TRMT1L: variants seen among roughly 807,000 people sequenced by gnomAD.
TRMT1L encodes the protein tRNA methyltransferase 1L, also known as tRNA (guanine(27)-N(2))-dimethyltransferase.
A neutral mutation model predicts 81.6 loss-of-function variants in TRMT1L; 28 were observed. The ratio of observed to expected loss-of-function variants is 0.34; its 90% confidence interval spans 0.25 to 0.47. The LOEUF (loss-of-function observed/expected upper bound fraction) is 0.47. TRMT1L is among the 20% of genes least tolerant of loss of function. TRMT1L has a pLI of 1.00. For missense variants in TRMT1L, 739 were observed against 877.1 expected, an observed-to-expected ratio of 0.84 and a Z score of 1.99; for synonymous variants, 301 against 303.2, an observed-to-expected ratio of 0.99 and a Z score of 0.07.
At position 185,156,596 on chromosome 1, in the gene TRMT1L, C is replaced by G; in HGVS notation, c.117G>C (p.Pro39=). 1.9e-6 allele frequency: 3 copies of G among 1,597,030 alleles called. No individual in the cohort carries two copies. Among genetic ancestry groups the G allele is most frequent in the Non-Finnish European group, 2.6e-6 (3 of 1,172,068 alleles). ...TCGGAGCCGAGTCCAGAGCCGAATCCGGGGCCGGAGCTGGGACCCCAGCCG... is the reference window on the plus strand; with the variant it reads ...TCGGAGCCGAGTCCAGAGCCGAATCGGGGGCCGGAGCTGGGACCCCAGCCG... ...RDSAGVPAPA[P]DSALDSAPTP... is the part of the protein sequence containing the mutation. Residue 39 remains proline (P), a synonymous_variant, in exon 1 of 15, where the codon CCG becomes CCC. Transcript: ENST00000367506.
chr1:185,153,435 G>A (rs1653415418), intron 1 of TRMT1L, among the ~76,000 whole-genome samples: 1 of 152,128 alleles, frequency 6.6e-6, no homozygotes, highest in African/African-American at 2.4e-5. Context: ...TCAAGGTAAT[G>A]CAGAAGCCAA....
intron 12 of TRMT1L, 83 bp from the exon 13 acceptor site, chr1:185,124,002 A>G: frequency 1.3e-6 from 1 of 757,760 alleles, no homozygotes; most frequent in Non-Finnish European, 2.0e-6. Context: ...AAGTTTATGA[A>G]ATTCCATCCA....
At chr1:185,152,482 G>A (rs1653387636) in intron 1 of TRMT1L, among the ~76,000 whole-genome samples, 1 of 152,170 alleles carries the variant, frequency 6.6e-6, no homozygotes, top group Non-Finnish European at 1.5e-5. Context: ...ACAGACCAAG[G>A]AAAACATAAA....
At chr1:185,134,425 G>C (rs947767453) in intron 10 of TRMT1L, among the ~76,000 whole-genome samples, 37 of 152,308 alleles carry the variant, frequency 2.4e-4, no homozygotes, top group African/African-American at 8.9e-4. Context: ...GACCTCAGGT[G>C]GTCCGTCCGC....
chr1:185,155,945 T>C (rs188036303), intron 1 of TRMT1L, among the ~76,000 whole-genome samples: 4 of 152,310 alleles, frequency 2.6e-5, no homozygotes, highest in African/African-American at 7.2e-5. Flanking sequence ...CTCAAAATCT[T>C]TTCGGAGGCA....
intron 10 of TRMT1L, among the ~76,000 whole-genome samples, chr1:185,130,599 T>C (rs1396784269): frequency 2.0e-5 from 3 of 152,200 alleles, no homozygotes; most frequent in African/African-American, 7.2e-5. Flanking sequence ...AAGATGACTA[T>C]AGAGAGGTAT....
intron 7 of TRMT1L, among the ~76,000 whole-genome samples, chr1:185,140,563 A>T (rs1653011373): frequency 6.6e-6 from 1 of 152,084 alleles, no homozygotes; most frequent in Non-Finnish European, 1.5e-5. Flanking sequence ...CTCTGCTTGA[A>T]GGGAGGATGG....
At chr1:185,120,650 T>C (rs1159331581) in intron 13 of TRMT1L, 141 bp from the exon 14 acceptor site, 35 of 751,810 alleles carry the variant, frequency 4.7e-5, no homozygotes, top group Non-Finnish European at 5.8e-5. Context: ...TAATTTATTC[T>C]ATTTTCACGG....
chr1:185,148,522 T>C (rs188125190), intron 3 of TRMT1L, among the ~76,000 whole-genome samples: 149 of 152,300 alleles, frequency 9.8e-4, no homozygotes, highest in Non-Finnish European at 1.7e-3. Context: ...AACTATCATA[T>C]CTTCACCATC....
At chr1:185,123,406 A>G (rs1036020925) in intron 13 of TRMT1L, among the ~76,000 whole-genome samples, 1 of 152,192 alleles carries the variant, frequency 6.6e-6, no homozygotes, top group East Asian at 1.9e-4. Flanking sequence ...AGCTAGATTT[A>G]AAGTATGCAC....
chr1:185,156,255 C>T (rs1179272400), intron 1 of TRMT1L, among the ~76,000 whole-genome samples: 1 of 152,238 alleles, frequency 6.6e-6, no homozygotes, highest in Non-Finnish European at 1.5e-5. Flanking sequence ...CATTCCTGCT[C>T]TCCGCATATC....
chr1:185,128,692 T>C lies in TRMT1L; in HGVS notation c.1569A>G (p.Thr523=). Residue 523 remains threonine (T), a synonymous_variant, in exon 11 of 15, where the codon ACA becomes ACG. Transcript: ENST00000367506. ...CNCHGSMPGK[T]AIELGPLWSS... ...ACCACAGAGGTCCAAGTTCTATTGC[T>C]GTCTTTCCAGGCATGCTTCCATGAC... The C allele has an allele frequency of 6.2e-7, 1 of 1,612,644 alleles. No homozygotes were observed. The highest frequency in any genetic ancestry group is 8.5e-7 in the Non-Finnish European group (1 of 1,179,476).
At position 185,156,829 on chromosome 1, in the gene TRMT1L, G is replaced by T; in HGVS notation, c.-117C>A. ...TCCAAGGAGTGGGGAAGCAAGTGGG[G>T]AGGGCGGGATGCGTGCAACAGACAA... On this transcript the variant is annotated 5_prime_UTR_variant, in exon 1 of 15. Coordinates refer to ENST00000367506, the MANE Select transcript of TRMT1L (RefSeq NM_030934.5). The T allele has an allele frequency of 2.8e-6, 4 of 1,407,824 alleles. No individual in the cohort carries two copies. The highest frequency in any genetic ancestry group is 3.8e-6 in the Non-Finnish European group (4 of 1,046,516). 87.2% of individuals were successfully genotyped at this position (1,407,824 alleles called of 1,614,324 possible).
chr1:185,157,197 T>G, upstream of TRMT1L: 1 of 158,636 alleles, frequency 6.3e-6, no homozygotes, highest in Non-Finnish European at 1.4e-5. Context: ...GGCGCAGAAC[T>G]ACGTTTCCCA....
At position 185,140,164 on chromosome 1, in the gene TRMT1L, A is replaced by T; in HGVS notation, c.918T>A (p.Asn306Lys). ...HLGNAVKVTINDLNENSVTLI... is the reference protein window; with the variant it reads ...HLGNAVKVTIKDLNENSVTLI... The stretch of plus-strand genomic sequence containing the variant: ...GTGTCACAGAATTTTCATTCAAGTC[A>T]TTGATTGTAACTTTGACTGCATTTC... Residue 306 changes from asparagine (N) to lysine (K), a missense_variant, in exon 8 of 15, where the codon AAT becomes AAA. This residue lies in a region of TRMT1L where 331 missense variants were observed against 462.2 expected (regional missense o/e 0.72). Transcript: ENST00000367506. 3 of 1,613,780 alleles carry T rather than the reference A, an allele frequency of 1.9e-6. No individual in the cohort carries two copies. In the South Asian group the frequency reaches 3.3e-5, roughly 18 times the overall value.
chr1:185,134,794 T>C (rs1360275079), intron 10 of TRMT1L, among the ~76,000 whole-genome samples: 1 of 152,190 alleles, frequency 6.6e-6, no homozygotes, highest in Non-Finnish European at 1.5e-5. Flanking sequence ...GGAAACAAAG[T>C]AGTATTTTTC....
rs1172505277 is a variant in TRMT1L, at chr1:185,120,277, A to AAAAGG, written c.1950-11_1950-7dup. 4 of 1,534,418 alleles carry AAAAGG rather than the reference A, an allele frequency of 2.6e-6. No homozygotes were observed. The highest frequency in any genetic ancestry group is 2.3e-5 in the East Asian group (1 of 43,372). The stretch of plus-strand genomic sequence containing the variant: ...AGCACAAAAACTTTTTTAACCTGCA[A>AAAAGG]AAAGGAAAGGAAAGAAAAAATAATC... On this transcript the variant is annotated splice_region_variant and splice_polypyrimidine_tract_variant and intron_variant, in intron 14 of 14. Coordinates refer to ENST00000367506, the MANE Select transcript of TRMT1L (RefSeq NM_030934.5).
At chr1:185,148,817 C>T (rs1337524524) in intron 3 of TRMT1L, among the ~76,000 whole-genome samples, 2 of 152,062 alleles carry the variant, frequency 1.3e-5, no homozygotes, top group African/African-American at 4.8e-5. Flanking sequence ...GCATCTAATT[C>T]CCCTTTCCCT....
Position 185,137,917 on chromosome 1 carries a change from C to T in TRMT1L, c.1323-121G>A, listed in dbSNP as rs1571349643. ...AAGTTATGGGACATCAAGAAAAATT[C>T]AATTCTCAGTAGCAGTGCTTTTAAA... On this transcript the variant is annotated intron_variant, in intron 9 of 14. Coordinates refer to ENST00000367506, the MANE Select transcript of TRMT1L (RefSeq NM_030934.5). The T allele has an allele frequency of 3.4e-6, 3 of 886,422 alleles. No homozygotes were observed. The East Asian group carries it at 8.0e-5, about 24-fold the overall frequency. 54.9% of individuals were successfully genotyped at this position (886,422 alleles called of 1,614,324 possible).
Sources: allele counts gnomAD v4.1 joint callset (sites outside exome capture counted in the v4.1 genomes callset), GRCh38; gene constraint gnomAD v4.1.1; regional missense constraint gnomAD v4.1.1; transcripts MANE v1.5; gene names NCBI Gene and HGNC (gene_info 2026-07-23, HGNC 2026-07-21).